Variants in C8A observed in about 807,000 individuals in gnomAD.
The protein encoded by C8A is complement component C8 alpha chain.
C8A carries 67 observed loss-of-function variants against 65.3 expected under a neutral mutation model. The ratio of observed to expected loss-of-function variants is 1.03; its 90% confidence interval spans 0.84 to 1.26. The LOEUF (loss-of-function observed/expected upper bound fraction) is 1.26. Among genes scored for constraint, C8A ranks in the 50% most tolerant of loss-of-function variants. C8A has a pLI of 0.00. For synonymous variants in C8A, 290 were observed against 259.4 expected, an observed-to-expected ratio of 1.12 and a Z score of -1.13; for missense variants, 781 against 723.9, an observed-to-expected ratio of 1.08 and a Z score of -0.90.
chr1:56,867,784 T>C, intron 2 of C8A, 82 bp downstream of exon 2: 1 of 1,011,256 alleles, frequency 9.9e-7, no homozygotes, highest in Middle Eastern at 2.0e-4. Flanking sequence ...AGCAGTCCAC[T>C]ATGTCTAGGG....
In C8A at chr1:56,891,849, G is replaced by C. The variant is rs147558825; in HGVS notation, c.1096+5682G>C. On this transcript the variant is annotated intron_variant, in intron 7 of 10. Coordinates refer to ENST00000361249, the MANE Select transcript of C8A (RefSeq NM_000562.3). ...GTAGGGATTCTGGGGGCAAAGAAGG[G>C]ACTCTAAATATACATACATATTTAA... Among the ~76,000 whole-genome samples the C allele has an allele frequency of 2.2e-3, 332 of 152,120 alleles. 2 individuals are homozygous for C. The highest frequency in any genetic ancestry group is 7.3e-3 in the African/African-American group (301 of 41,492).
intron 9 of C8A, among the ~76,000 whole-genome samples, chr1:56,909,904 A>C (rs1557715821): frequency 6.6e-6 from 1 of 152,216 alleles, no homozygotes; most frequent in African/African-American, 2.4e-5. Context: ...AACTCGAGTC[A>C]TGTTTGACTG....
intron 6 of C8A, 46 bp downstream of exon 6, chr1:56,883,727 A>G: frequency 6.7e-7 from 1 of 1,487,018 alleles, no homozygotes; most frequent in Non-Finnish European, 9.4e-7. Context: ...CATAATATAC[A>G]CTGAACACGT....
chr1:56,895,881 C>T (rs779765153), intron 7 of C8A, among the ~76,000 whole-genome samples: 34 of 152,074 alleles, frequency 2.2e-4, no homozygotes, highest in Non-Finnish European at 4.1e-4. Context: ...CCTGGGAGGT[C>T]GAGGTTGCAG....
At chr1:56,912,287 T>C in intron 9 of C8A, 116 bp from the exon 10 acceptor site, 5 of 858,076 alleles carry the variant, frequency 5.8e-6, no homozygotes, top group Non-Finnish European at 7.6e-6. Flanking sequence ...AAATTGGGTG[T>C]CTGTGTCTGT....
intron 1 of C8A, among the ~76,000 whole-genome samples, chr1:56,857,126 G>T (rs1643984603): frequency 6.6e-6 from 1 of 151,986 alleles, no homozygotes; most frequent in Admixed American, 6.6e-5. Context: ...TTATTCTGTT[G>T]TTCAGTGTAG....
chr1:56,898,409 C>T (rs898433325), intron 7 of C8A, among the ~76,000 whole-genome samples: 1 of 152,100 alleles, frequency 6.6e-6, no homozygotes, highest in African/African-American at 2.4e-5. Context: ...CATTGTTCAC[C>T]ATTGGGGTGC....
In C8A at chr1:56,875,008, C is replaced by T; in HGVS notation, c.231C>T (p.Asp77=). The T allele has an allele frequency of 3.7e-6, 6 of 1,613,762 alleles. No homozygotes were observed. The highest frequency in any genetic ancestry group is 5.1e-6 in the Non-Finnish European group (6 of 1,179,816). The stretch of plus-strand genomic sequence containing the variant: ...TTGGGGGAACCATCTGCAGTGGTGA[C>T]ATCTGGGATCAAGCCAGCTGCTCCA... ...NKFGGTICSG[D]IWDQASCSSS... The change falls in exon 3 of 11, where the codon GAC becomes GAT. Residue 77 remains aspartate (D), a synonymous_variant. Coordinates refer to ENST00000361249, the MANE Select transcript of C8A (RefSeq NM_000562.3).
chr1:56,910,421 T>C (rs796653137), intron 9 of C8A, among the ~76,000 whole-genome samples: 2 of 152,302 alleles, frequency 1.3e-5, no homozygotes, highest in African/African-American at 4.8e-5. Flanking sequence ...CTCTCTCTCC[T>C]CTTTTAACTC....
intron 7 of C8A, among the ~76,000 whole-genome samples, chr1:56,898,916 T>G (rs1432228261): frequency 6.6e-6 from 1 of 152,262 alleles, no homozygotes; most frequent in Middle Eastern, 3.4e-3. Flanking sequence ...GGCAGGAATC[T>G]TATTGTAAAA....
intron 7 of C8A, among the ~76,000 whole-genome samples, chr1:56,904,265 C>T (rs546288146): frequency 7.9e-5 from 12 of 152,220 alleles, no homozygotes; most frequent in South Asian, 2.1e-4. Context: ...CCCACAGGCT[C>T]ACTGTAGACA....
intron 9 of C8A, 91 bp downstream of exon 9, chr1:56,908,204 A>G: frequency 3.6e-6 from 5 of 1,390,598 alleles, no homozygotes; most frequent in South Asian, 3.6e-5. Flanking sequence ...TTATGAGCCC[A>G]TCAAAGAACA....
chr1:56,903,431 C>T (rs1644441452), intron 7 of C8A, among the ~76,000 whole-genome samples: 1 of 152,186 alleles, frequency 6.6e-6, no homozygotes, highest in Admixed American at 6.5e-5. Flanking sequence ...AGCCATGCTG[C>T]ACTGTGAGTC....
chr1:56,905,055 AT>A (rs368815359), intron 7 of C8A, among the ~76,000 whole-genome samples: 5,260 of 152,294 alleles, frequency 0.035, 123 homozygotes, highest in Non-Finnish European at 0.047. Flanking sequence ...CTGTTGAAGC[AT>A]TTTTTAATCA....
At chr1:56,892,324 A>G (rs757295254) in intron 7 of C8A, among the ~76,000 whole-genome samples, 3 of 152,154 alleles carry the variant, frequency 2.0e-5, no homozygotes, top group African/African-American at 7.2e-5. Flanking sequence ...TAAGCTCCAT[A>G]CCAAGACTCC....
At chr1:56,911,395 G>A (rs893601892) in intron 9 of C8A, among the ~76,000 whole-genome samples, 6 of 152,150 alleles carry the variant, frequency 3.9e-5, no homozygotes, top group African/African-American at 7.2e-5. Context: ...AGGAGGCTCC[G>A]TGTGTCATGT....
In C8A at chr1:56,857,248, C is replaced by G. The variant is rs74075623; in HGVS notation, c.77+2270C>G. 5.2e-3 allele frequency among the ~76,000 whole-genome samples: 786 copies of G among 151,752 alleles called. 9 individuals carry two copies. The highest frequency in any genetic ancestry group is 0.018 in the African/African-American group (758 of 41,448). On this transcript the variant is annotated intron_variant, in intron 1 of 10. Transcript: ENST00000361249. Reference sequence around the variant, plus strand: ...TCTCCAACTGTATTTGTGGATTTGCCTACTTACAGTTCTATCAGTTTTTGC... The same window carrying G: ...TCTCCAACTGTATTTGTGGATTTGCGTACTTACAGTTCTATCAGTTTTTGC...
chr1:56,912,478 G>T lies in C8A; in HGVS notation c.1456G>T (p.Ala486Ser), dbSNP rs772353770. 1.4e-5 allele frequency: 23 copies of T among 1,614,082 alleles called. No homozygotes were observed. Among genetic ancestry groups the T allele is most frequent in the African/African-American group, 9.3e-5 (7 of 74,936 alleles). Residue 486 changes from alanine (A) to serine (S), a missense_variant, in exon 10 of 11, where the codon GCC becomes TCC. Transcript: ENST00000361249. ...LEAKRQNLRR[A>S]LDQYLMEFNA... is the part of the protein sequence containing the mutation. ...GGCCAAGCGCCAGAACCTGCGCCGC[G>T]CCTTGGACCAGTATCTGATGGAATT... is the stretch of plus-strand genomic sequence containing the variant.
chr1:56,894,047 G>A (rs1644369382), intron 7 of C8A, among the ~76,000 whole-genome samples: 1 of 152,126 alleles, frequency 6.6e-6, no homozygotes. Context: ...TATTATTGCT[G>A]TACAGTGTAG....
Sources: gnomAD v4.1 joint callset for allele counts (sites outside exome capture counted in the v4.1 genomes callset) on GRCh38, gnomAD v4.1.1 for gene constraint, MANE v1.5 for transcripts, NCBI Gene and HGNC (gene_info 2026-07-23, HGNC 2026-07-21) for gene names.